NIBAN1: variants seen among roughly 807,000 people sequenced by gnomAD.
NIBAN1 encodes protein Niban 1.
NIBAN1 carries 81 observed loss-of-function variants against 75.1 expected under a neutral mutation model. The observed-to-expected ratio is 1.08, with a 90% CI of 0.90 to 1.30. The LOEUF (loss-of-function observed/expected upper bound fraction) is 1.30, where lower values mean the gene tolerates loss of function less well. Among genes scored for constraint, NIBAN1 ranks in the 50% most tolerant of loss-of-function variants. The probability of loss-of-function intolerance (pLI) is 0.00; values close to 1 mark genes in which losing one functional copy is unlikely to be tolerated. For missense variants in NIBAN1, 1,133 were observed against 1,128.1 expected, an observed-to-expected ratio of 1.00 and a Z score of -0.06; for synonymous variants, 436 against 424.8, an observed-to-expected ratio of 1.03 and a Z score of -0.32.
chr1:184,811,681 ACAGGGTTTCAC>A (rs1272737933), intron 9 of NIBAN1, among the ~76,000 whole-genome samples: 1 of 151,848 alleles, frequency 6.6e-6, no homozygotes, highest in Non-Finnish European at 1.5e-5. Flanking sequence ...TTTAGTAGAG[ACAGGGTTTCAC>A]CATGTTAGCC....
At chr1:184,841,938 A>G (rs1418350046) in intron 5 of NIBAN1, among the ~76,000 whole-genome samples, 4 of 152,102 alleles carry the variant, frequency 2.6e-5, no homozygotes, top group Admixed American at 2.6e-4. Context: ...TTTCCCCAAG[A>G]CTGTAAACTC....
At chr1:184,908,215 G>A (rs772694538) in intron 1 of NIBAN1, among the ~76,000 whole-genome samples, 13 of 152,244 alleles carry the variant, frequency 8.5e-5, no homozygotes, top group Middle Eastern at 3.4e-3. Flanking sequence ...TCTCTAATAT[G>A]GCCACAAAGC....
At chr1:184,942,693 CAAAAAAAAAAAAA>C in intron 1 of NIBAN1, among the ~76,000 whole-genome samples, 1 of 78,384 alleles carries the variant, frequency 1.3e-5, no homozygotes, top group Non-Finnish European at 2.6e-5. Flanking sequence ...GACTCCGTCT[CAAAAAAAAAAAAA>C]AAAAAAAAAG....
chr1:184,865,253 A>G (rs1182497589), intron 5 of NIBAN1, among the ~76,000 whole-genome samples: 3 of 152,180 alleles, frequency 2.0e-5, no homozygotes, highest in Non-Finnish European at 4.4e-5. Flanking sequence ...TGTGGTATAT[A>G]TACACAATGG....
At chr1:184,921,852 T>C (rs79744096) in intron 1 of NIBAN1, among the ~76,000 whole-genome samples, 3,100 of 152,346 alleles carry the variant, frequency 0.02, 100 homozygotes, top group African/African-American at 0.07. Flanking sequence ...TTCTGTGCTC[T>C]GGTTATTTTC....
intron 5 of NIBAN1, among the ~76,000 whole-genome samples, chr1:184,870,627 T>C (rs145986255): frequency 5.3e-5 from 8 of 152,308 alleles, no homozygotes; most frequent in Admixed American, 1.3e-4. Context: ...TCAAGGATAA[T>C]GCGACAGAGC....
chr1:184,831,858 C>T lies in NIBAN1; in HGVS notation c.706G>A (p.Asp236Asn). Residue 236 changes from aspartate (D) to asparagine (N), a missense_variant, in exon 6 of 14, where the codon GAT becomes AAT. Asp to Asn is a conservative substitution (Grantham distance 23). Transcript: ENST00000367511. The part of the protein sequence containing the change: ...HYGSWEMITG[D>N]EIQILSNLVM... The stretch of plus-strand genomic sequence containing the variant: ...GAACCCCATATTACCTGGATTTCAT[C>T]CCCAGTGATCATTTCCCAGGAACCA... 5 of 1,613,712 alleles carry T rather than the reference C, an allele frequency of 3.1e-6. No homozygotes were observed. Among genetic ancestry groups the T allele is most frequent in the Non-Finnish European group, 4.2e-6 (5 of 1,179,630 alleles).
intron 11 of NIBAN1, among the ~76,000 whole-genome samples, chr1:184,804,195 T>C (rs1276050097): frequency 5.3e-5 from 8 of 152,230 alleles, no homozygotes; most frequent in Admixed American, 2.6e-4. Context: ...CTGTTCTGCA[T>C]TGGACATCCC....
At chr1:184,867,801 G>T in intron 5 of NIBAN1, 1 of 936,192 alleles carries the variant, frequency 1.1e-6, no homozygotes, top group Non-Finnish European at 1.3e-6. Flanking sequence ...AGCAATGACT[G>T]TGTTTTCGGT....
At chr1:184,896,734 G>T (rs1469753837) in intron 2 of NIBAN1, among the ~76,000 whole-genome samples, 2 of 152,088 alleles carry the variant, frequency 1.3e-5, no homozygotes, top group Non-Finnish European at 2.9e-5. Flanking sequence ...ATGAGAGATA[G>T]GGGTCCAGTT....
At chr1:184,827,560 G>T (rs866370596) in intron 6 of NIBAN1, among the ~76,000 whole-genome samples, 39 of 117,666 alleles carry the variant, frequency 3.3e-4, no homozygotes, top group African/African-American at 6.1e-4. Flanking sequence ...AAATACTTCA[G>T]TTTTTTTTTT....
At chr1:184,827,574 T>TTTTTTTTC (rs1553217806) in intron 6 of NIBAN1, among the ~76,000 whole-genome samples, 9 of 150,878 alleles carry the variant, frequency 6.0e-5, no homozygotes, top group African/African-American at 1.7e-4. Context: ...TTTTTTTTTT[T>TTTTTTTTC]AATGGGGGGT....
At chr1:184,854,098 T>C (rs1655614738) in intron 5 of NIBAN1, among the ~76,000 whole-genome samples, 1 of 152,216 alleles carries the variant, frequency 6.6e-6, no homozygotes, top group African/African-American at 2.4e-5. Context: ...GTACTAAGTC[T>C]TTGAAATCTG....
chr1:184,924,309 T>C (rs1350344490), intron 1 of NIBAN1, among the ~76,000 whole-genome samples: 1 of 152,178 alleles, frequency 6.6e-6, no homozygotes, highest in Non-Finnish European at 1.5e-5. Context: ...GATCATATGG[T>C]TTTTGTCCTT....
chr1:184,796,271 GCATT>G (rs879728243), intron 13 of NIBAN1, among the ~76,000 whole-genome samples, 174 bp from the exon 14 acceptor site: 1 of 152,188 alleles, frequency 6.6e-6, no homozygotes, highest in Non-Finnish European at 1.5e-5. Flanking sequence ...AGCCTCTGTA[GCATT>G]CATTCATTCA....
intron 9 of NIBAN1, among the ~76,000 whole-genome samples, chr1:184,811,515 T>TTTTTTTTTGTG (rs1200485561): frequency 1.3e-5 from 2 of 149,114 alleles, no homozygotes; most frequent in African/African-American, 5.0e-5. Context: ...TTTTTTTTGT[T>TTTTTTTTTGTG]TTTTTTTTTG....
chr1:184,946,613 T>G (rs1157294024), intron 1 of NIBAN1, among the ~76,000 whole-genome samples: 1 of 152,218 alleles, frequency 6.6e-6, no homozygotes, highest in Non-Finnish European at 1.5e-5. Context: ...TCATAAATAG[T>G]AACTGTTTCT....
intron 5 of NIBAN1, among the ~76,000 whole-genome samples, chr1:184,840,387 C>A (rs1339417097): frequency 6.6e-6 from 1 of 152,116 alleles, no homozygotes; most frequent in East Asian, 1.9e-4. Context: ...TACATGTATA[C>A]CCCATGGAGA....
intron 8 of NIBAN1, among the ~76,000 whole-genome samples, chr1:184,821,883 A>T (rs947224373): frequency 1.3e-4 from 20 of 152,138 alleles, no homozygotes; most frequent in African/African-American, 4.6e-4. Context: ...ACAGACACAC[A>T]CACCAGTGCT....
Sources: gnomAD v4.1 joint callset for allele counts (sites outside exome capture counted in the v4.1 genomes callset) on GRCh38, gnomAD v4.1.1 for gene constraint, MANE v1.5 for transcripts, NCBI Gene and HGNC (gene_info 2026-07-23, HGNC 2026-07-21) for gene names.